COG8: variants seen among roughly 807,000 people sequenced by gnomAD.
The protein encoded by COG8 is component of oligomeric golgi complex 8, also known as conserved oligomeric Golgi complex subunit 8.
COG8 carries 45 observed loss-of-function variants against 46.5 expected under a neutral mutation model. The ratio of observed to expected loss-of-function variants is 0.97; its 90% CI spans 0.76 to 1.24. COG8 has a LOEUF of 1.24. Ranked by LOEUF, COG8 falls within the 50% of genes most tolerant of loss-of-function variation. COG8 has a pLI of 0.00. For missense variants in COG8, 793 were observed against 820.8 expected (o/e 0.97, Z 0.41); for synonymous variants, 407 against 347.8 (o/e 1.17, Z -1.90).
chr16:69,326,952 A>G lies in COG8; in HGVS notation c.*2254T>C, dbSNP rs1965609768. 1 of 152,164 alleles carries G rather than the reference A, an allele frequency of 6.6e-6. No individual in the cohort carries two copies. The highest frequency in any genetic ancestry group is 1.5e-5 in the Non-Finnish European group (1 of 68,036). 9.4% of individuals were successfully genotyped at this position (152,164 alleles called of 1,614,324 possible). On this transcript the variant is annotated 3_prime_UTR_variant, in exon 6 of 6. Transcript: ENST00000306875. ...CATTTTATTGCTACCGATGCCCACCACAAAAGCGTTAACCTCAGAAAGCTA... is the reference window on the plus strand; with the variant it reads ...CATTTTATTGCTACCGATGCCCACCGCAAAAGCGTTAACCTCAGAAAGCTA...
rs1391963405 is a variant in COG8 at position 69,327,703 on chromosome 16, G to A, written c.*1503C>T. On this transcript the variant is annotated 3_prime_UTR_variant, in exon 6 of 6. Transcript: ENST00000306875. Reference sequence around the variant, plus strand: ...TTACAAAACTCAGCATAAAAATGAGGTGAAACAGTTTAACTAAAACTGGAG... The same window carrying A: ...TTACAAAACTCAGCATAAAAATGAGATGAAACAGTTTAACTAAAACTGGAG... 6.6e-6 allele frequency: 1 copy of A among 151,980 alleles called. No individual in the cohort carries two copies. Among genetic ancestry groups the A allele is most frequent in the Non-Finnish European group, 1.5e-5 (1 of 68,024 alleles). The allele number at this position is 151,980 out of a possible 1,614,324, so 9.4% of individuals were successfully genotyped here. A position where few individuals can be genotyped will look rare whatever the true frequency, so the allele number is the denominator to read the frequency against.
At position 69,336,545 on chromosome 16, in the gene COG8, C is replaced by T. The variant is rs548526704; in HGVS notation, c.545G>A (p.Arg182His). Residue 182 changes from arginine to histidine, a missense_variant, in exon 2 of 6, where the codon CGC becomes CAC. Transcript: ENST00000306875. ...GGAAGAGTATTTCCTCTCCAGTCGG[C>T]GTACGTAGGCTGCAAGCTCCAGGGC... ...EEALELAAYV[R>H]RLERKYSSIP... The T allele has an allele frequency of 9.9e-6, 16 of 1,614,168 alleles. 1 individual carries two copies. The highest frequency in any genetic ancestry group is 1.7e-4 in the Middle Eastern group (1 of 6,056).
intron 5 of COG8, chr16:69,330,472 C>T (rs1359403306): frequency 4.8e-5 from 71 of 1,472,506 alleles, no homozygotes; most frequent in Non-Finnish European, 6.1e-5. Flanking sequence ...CCGGGGCGGC[C>T]GTGGAGCTGC....
In COG8 at chr16:69,331,000, C is replaced by G. The variant is rs371613723; in HGVS notation, c.1678G>C (p.Glu560Gln). Residue 560 changes from glutamate to glutamine, a missense_variant, in exon 5 of 6, where the codon GAG becomes CAG. Transcript: ENST00000306875. ...EPLAFILPKR[E>Q]TLFTLDDQAL... ...TGGTCATCCAGGGTGAAAAGCGTCT[C>G]TCTCTTTGGCAGGATAAAGGCGAGG... 3 of 1,611,066 alleles carry G rather than the reference C, an allele frequency of 1.9e-6. No individual in the cohort carries two copies. In the East Asian group the frequency reaches 6.7e-5, roughly 36 times the overall value.
chr16:69,329,894 G>A, intron 5 of COG8: 1 of 1,340,156 alleles, frequency 7.5e-7, no homozygotes, highest in South Asian at 1.5e-5. Flanking sequence ...TCGCTCCTGC[G>A]GGAGGTCCGG....
chr16:69,328,186 T>G lies in COG8; in HGVS notation c.*1020A>C, dbSNP rs934339530. The G allele has an allele frequency of 1.3e-5, 2 of 152,256 alleles. No individual in the cohort carries two copies. Among genetic ancestry groups the G allele is most frequent in the African/African-American group, 4.8e-5 (2 of 41,452 alleles). 9.4% of individuals were successfully genotyped at this position (152,256 alleles called of 1,614,324 possible). ...TGGTCTTGAGCTCCTGACCTCGTGA[T>G]CCACCCGCCCCGCCCTCCCAAAGTG... On this transcript the variant is annotated 3_prime_UTR_variant, in exon 6 of 6. Transcript: ENST00000306875.
At chr16:69,330,070 G>A (rs778649857) in intron 5 of COG8, 18 of 1,563,658 alleles carry the variant, frequency 1.2e-5, no homozygotes, top group Admixed American at 1.9e-5. Context: ...CCTCGGGAAA[G>A]GTGACCAGGC....
rs927820215 is a variant in COG8, at chr16:69,330,402, G to T, written c.*26+411C>A. 4.7e-6 allele frequency: 7 copies of T among 1,479,418 alleles called. No individual in the cohort carries two copies. In the African/African-American group the frequency reaches 7.3e-5, roughly 15 times the overall value. The allele number at this position is 1,479,418 out of a possible 1,614,324, so 91.6% of individuals were successfully genotyped here. On this transcript the variant is annotated intron_variant, in intron 5 of 5. Transcript: ENST00000306875. ...GAGAACGGCGGTTCGGGAGGACCCAGCACCAGACGCCTCAGGTGGCGCCAA... is the reference window on the plus strand; with the variant it reads ...GAGAACGGCGGTTCGGGAGGACCCATCACCAGACGCCTCAGGTGGCGCCAA...
At chr16:69,329,782 G>C (rs1325219509) in intron 5 of COG8, among the ~76,000 whole-genome samples, 1 of 152,222 alleles carries the variant, frequency 6.6e-6, no homozygotes, top group East Asian at 1.9e-4. Flanking sequence ...AGGTAACAGC[G>C]GAACTAGGGG....
intron 4 of COG8, among the ~76,000 whole-genome samples, chr16:69,331,651 C>T (rs541509680): frequency 1.2e-4 from 18 of 151,776 alleles, no homozygotes; most frequent in African/African-American, 3.9e-4. Flanking sequence ...TACAGGCGCC[C>T]GCCACCATGC....
At chr16:69,330,239 A>G (rs1597220216) in intron 5 of COG8, 1 of 1,440,890 alleles carries the variant, frequency 6.9e-7, no homozygotes, top group South Asian at 1.4e-5. Flanking sequence ...CGGCGCGCTT[A>G]GGCCCACGCA....
chr16:69,330,099 G>A (rs763088076), intron 5 of COG8: 322 of 1,581,238 alleles, frequency 2.0e-4, no homozygotes, highest in Non-Finnish European at 2.6e-4. Flanking sequence ...AGCACTCGCA[G>A]GCTGGGGTTC....
chr16:69,332,899 C>T lies in COG8; in HGVS notation c.1414-17G>A, dbSNP rs376335533. On this transcript the variant is annotated splice_polypyrimidine_tract_variant and intron_variant, in intron 3 of 5. Transcript: ENST00000306875. Reference sequence around the variant, plus strand: ...TTTAGTTACCTAAGAGACAAGGGCACCGTCAATTACTGGGACAGCCTATCA... The same window carrying T: ...TTTAGTTACCTAAGAGACAAGGGCATCGTCAATTACTGGGACAGCCTATCA... The T allele has an allele frequency of 1.2e-6, 2 of 1,613,780 alleles. No individual in the cohort carries two copies. Among genetic ancestry groups the T allele is most frequent in the South Asian group, 1.1e-5 (1 of 91,070 alleles).
chr16:69,338,953 C>T (rs1470823103), intron 1 of COG8: 1 of 631,438 alleles, frequency 1.6e-6, no homozygotes. Context: ...GAGATCTCGC[C>T]ACTGCACTCC....
intron 5 of COG8, chr16:69,330,485 G>A: frequency 6.8e-7 from 1 of 1,472,788 alleles, no homozygotes; most frequent in Non-Finnish European, 8.9e-7. Context: ...GGAGCTGCAA[G>A]CCCGGACACC....
At chr16:69,336,777 C>T in intron 1 of COG8, 65 bp from the exon 2 acceptor site, 1 of 1,340,904 alleles carries the variant, frequency 7.5e-7, no homozygotes, top group Non-Finnish European at 1.1e-6. Flanking sequence ...CTACAGTTAC[C>T]AAGTACCTGC....
rs1965689715 is a variant in COG8 at position 69,328,989 on chromosome 16, G to A, written c.*217C>T. 1.3e-6 allele frequency: 2 copies of A among 1,588,120 alleles called. No individual in the cohort carries two copies. The highest frequency in any genetic ancestry group is 1.4e-5 in the African/African-American group (1 of 73,786). On this transcript the variant is annotated 3_prime_UTR_variant, in exon 6 of 6. Transcript: ENST00000306875. Reference sequence around the variant, plus strand: ...TCAAAGTGAAAGTGTTTGCGTCTTGGTATCCGGAATCCTCAGCCCCAGTAG... The same window carrying A: ...TCAAAGTGAAAGTGTTTGCGTCTTGATATCCGGAATCCTCAGCCCCAGTAG...
At chr16:69,337,280 C>CAA (rs1205833347) in intron 1 of COG8, among the ~76,000 whole-genome samples, 8 of 66,000 alleles carry the variant, frequency 1.2e-4, no homozygotes, top group Admixed American at 5.1e-4. Context: ...GACTCCGTCT[C>CAA]AAAAAAAAAA....
At chr16:69,330,165 G>T in intron 5 of COG8, 2 of 1,532,440 alleles carry the variant, frequency 1.3e-6, no homozygotes, top group Non-Finnish European at 1.7e-6. Context: ...TGGCGGGGCG[G>T]GCACTCCCGA....
Sources: gnomAD v4.1 joint callset for allele counts (sites outside exome capture counted in the v4.1 genomes callset) on GRCh38, gnomAD v4.1.1 for gene constraint, MANE v1.5 for transcripts, NCBI Gene and HGNC (gene_info 2026-07-23, HGNC 2026-07-21) for gene names.